The following POU6F2 variants were observed in gnomAD, a reference collection of about 807,000 sequenced individuals.
POU6F2 encodes POU class 6 homeobox 2.
POU6F2 carries 31 observed loss-of-function variants against 71.3 expected under a neutral mutation model. The ratio of observed to expected loss-of-function variants is 0.43; its 90% confidence interval spans 0.33 to 0.59. The LOEUF (loss-of-function observed/expected upper bound fraction) is 0.59, where lower values mean the gene tolerates loss of function less well. Ranked by LOEUF, POU6F2 falls within the 20% of genes least tolerant of loss-of-function variation. POU6F2 has a pLI of 0.04. For missense variants in POU6F2, 783 were observed against 856.8 expected (o/e 0.91, Z 1.07); for synonymous variants, 347 against 355.7 (o/e 0.98, Z 0.27).
At chr7:39,050,668 G>A (rs560930789) in intron 1 of POU6F2, among the ~76,000 whole-genome samples, 1 of 152,084 alleles carries the variant, frequency 6.6e-6, no homozygotes, top group African/African-American at 2.4e-5. Context: ...TGACATCTCT[G>A]CTGGGGATGG....
At position 39,011,098 on chromosome 7, in the gene POU6F2, T is replaced by C. The variant is rs1197173975; in HGVS notation, c.105+33040T>C. On this transcript the variant is annotated intron_variant, in intron 1 of 9. Transcript: ENST00000518318. Reference sequence around the variant, plus strand: ...TATCCTTGTTGACTTTCTGTCTCATTGATCTGTCTAATGTTGACAGTGGGG... The same window carrying C: ...TATCCTTGTTGACTTTCTGTCTCATCGATCTGTCTAATGTTGACAGTGGGG... Among the ~76,000 whole-genome samples, 1,107 of 132,600 alleles carry C rather than the reference T, an allele frequency of 8.3e-3. 22 individuals are homozygous for C. Among genetic ancestry groups the C allele is most frequent in the African/African-American group, 0.028 (1,031 of 36,224 alleles). 87.0% of individuals were successfully genotyped at this position (132,600 alleles called of 152,430 possible).
intron 4 of POU6F2, among the ~76,000 whole-genome samples, chr7:39,285,712 G>T (rs1233924939): frequency 1.3e-5 from 2 of 152,148 alleles, no homozygotes; most frequent in African/African-American, 4.8e-5. Flanking sequence ...AAAGAAATCT[G>T]AAAATTATAT....
chr7:39,001,258 A>AT (rs397937606), intron 1 of POU6F2, among the ~76,000 whole-genome samples: 10,850 of 147,260 alleles, frequency 0.074, 1,059 homozygotes, highest in African/African-American at 0.23. Flanking sequence ...GGCCATTTTG[A>AT]TTTTTTTTTT....
At chr7:39,012,711 T>C (rs1434712192) in intron 1 of POU6F2, among the ~76,000 whole-genome samples, 2 of 152,058 alleles carry the variant, frequency 1.3e-5, no homozygotes, top group African/African-American at 4.8e-5. Flanking sequence ...TTGGTGTGGA[T>C]GTCCTTTCTG....
intron 2 of POU6F2, among the ~76,000 whole-genome samples, chr7:39,168,964 C>T (rs923576265): frequency 2.0e-5 from 3 of 152,216 alleles, no homozygotes; most frequent in Non-Finnish European, 4.4e-5. Flanking sequence ...TCTGAAAATG[C>T]AGTGCCTTTC....
chr7:39,174,316 A>C (rs923441299), intron 2 of POU6F2, among the ~76,000 whole-genome samples: 1 of 152,090 alleles, frequency 6.6e-6, no homozygotes, highest in Non-Finnish European at 1.5e-5. Flanking sequence ...CCTTTTGTTG[A>C]ATTCTTGTTG....
chr7:39,047,528 AACG>A (rs888026383), intron 1 of POU6F2, among the ~76,000 whole-genome samples: 102 of 152,006 alleles, frequency 6.7e-4, no homozygotes, highest in African/African-American at 2.4e-3. Context: ...TAGTATTTGC[AACG>A]ACAATAGATT....
intron 8 of POU6F2, among the ~76,000 whole-genome samples, chr7:39,453,888 A>C (rs2282916): frequency 0.35 from 52,461 of 152,010 alleles, 10,315 homozygotes; most frequent in East Asian, 0.58. Flanking sequence ...AATGACACCA[A>C]GCTAGCTCCA....
rs551997208 is a variant in POU6F2, at chr7:39,109,919, G to A, written c.277+23888G>A. On this transcript the variant is annotated intron_variant, in intron 2 of 9. Coordinates refer to ENST00000518318, the MANE Select transcript of POU6F2 (RefSeq NM_001370959.1). Reference sequence around the variant, plus strand: ...TCATGCTGGCTTGTGAGAGATAATTGCTATATTTTTAGGAATTTTGTGAGC... The same window carrying A: ...TCATGCTGGCTTGTGAGAGATAATTACTATATTTTTAGGAATTTTGTGAGC... Among the ~76,000 whole-genome samples the A allele has an allele frequency of 3.9e-5, 6 of 152,276 alleles. No homozygotes were observed. The East Asian group carries it at 7.7e-4, about 20-fold the overall frequency.
intron 2 of POU6F2, among the ~76,000 whole-genome samples, chr7:39,132,020 T>C (rs868128683): frequency 1.6e-4 from 24 of 152,316 alleles, no homozygotes; most frequent in African/African-American, 5.8e-4. Context: ...CCAATTATAC[T>C]TTTTAGTTAT....
rs1335426853 is a variant in POU6F2, at chr7:39,015,830, GATATATAATATATTATATATAGAT to G, written c.105+37803_105+37826del. Reference sequence around the variant, plus strand: ...ATTATATAGGTATATATTATATATAGATATATAATATATTATATATAGATATATATAATATATTATATATAGATA... The same window carrying G: ...ATTATATAGGTATATATTATATATAGATATATAATATATTATATATAGATA... On this transcript the variant is annotated intron_variant, in intron 1 of 9. Coordinates refer to ENST00000518318, the MANE Select transcript of POU6F2 (RefSeq NM_001370959.1). Among the ~76,000 whole-genome samples, 29 of 64,550 alleles carry G rather than the reference GATATATAATATATTATATATAGAT, an allele frequency of 4.5e-4. 1 individual carries two copies. Among genetic ancestry groups the G allele is most frequent in the African/African-American group, 1.1e-3 (18 of 16,656 alleles). The allele number at this position is 64,550 out of a possible 152,430, so 42.3% of individuals were successfully genotyped here.
chr7:39,109,417 G>A (rs1460778256), intron 2 of POU6F2, among the ~76,000 whole-genome samples: 1 of 152,180 alleles, frequency 6.6e-6, no homozygotes. Flanking sequence ...CACCACAGTT[G>A]TATGTGCTGG....
intron 8 of POU6F2, among the ~76,000 whole-genome samples, chr7:39,457,116 T>C (rs922999852): frequency 6.6e-6 from 1 of 152,162 alleles, no homozygotes; most frequent in African/African-American, 2.4e-5. Context: ...GTTGATAGAC[T>C]CAAGGAACTA....
At chr7:39,220,347 C>G (rs1330682788) in intron 4 of POU6F2, among the ~76,000 whole-genome samples, 2 of 152,322 alleles carry the variant, frequency 1.3e-5, no homozygotes, top group East Asian at 3.9e-4. Flanking sequence ...ATCAGTCTCT[C>G]TCTTTCTTTT....
chr7:39,015,305 C>A (rs1386138983), intron 1 of POU6F2, among the ~76,000 whole-genome samples: 12 of 85,924 alleles, frequency 1.4e-4, no homozygotes, highest in African/African-American at 1.9e-4. Flanking sequence ...CTATAAATAT[C>A]TATATATAAT....
At chr7:39,324,496 A>G (rs1332930339) in intron 4 of POU6F2, among the ~76,000 whole-genome samples, 5 of 152,232 alleles carry the variant, frequency 3.3e-5, no homozygotes, top group Non-Finnish European at 5.9e-5. Flanking sequence ...AGTGACTACA[A>G]TGAGCTGAGC....
At chr7:39,297,190 TA>T (rs144795543) in intron 4 of POU6F2, among the ~76,000 whole-genome samples, 21,775 of 117,884 alleles carry the variant, frequency 0.18, 2,525 homozygotes, top group African/African-American at 0.38. Flanking sequence ...CAAACACACA[TA>T]CACATACACA....
intron 4 of POU6F2, among the ~76,000 whole-genome samples, chr7:39,263,216 T>C (rs1784171481): frequency 6.6e-6 from 1 of 150,412 alleles, no homozygotes; most frequent in African/African-American, 2.4e-5. Context: ...AAATGTTACT[T>C]TCTTTTTTCT....
intron 5 of POU6F2, among the ~76,000 whole-genome samples, chr7:39,348,252 A>G (rs1786067979): frequency 9.6e-6 from 1 of 104,182 alleles, no homozygotes; most frequent in African/African-American, 3.0e-5. Flanking sequence ...ACTTCTGCCA[A>G]TAACTAGATC....
Sources: allele counts gnomAD v4.1 joint callset (sites outside exome capture counted in the v4.1 genomes callset), GRCh38; gene constraint gnomAD v4.1.1; transcripts MANE v1.5; gene names NCBI Gene and HGNC (gene_info 2026-07-23, HGNC 2026-07-21).